TTC39A: variants seen among roughly 807,000 people sequenced by gnomAD.
The protein encoded by TTC39A is tetratricopeptide repeat protein 39A.
A neutral mutation model predicts 82.3 loss-of-function variants in TTC39A; 46 were observed. The observed-to-expected ratio is 0.56, with a 90% CI of 0.44 to 0.71. The LOEUF (loss-of-function observed/expected upper bound fraction) is 0.71. Ranked by LOEUF, TTC39A falls within the 30% of genes least tolerant of loss-of-function variation. The probability of loss-of-function intolerance (pLI) is 0.00; values close to 1 mark genes in which losing one functional copy is unlikely to be tolerated. For synonymous variants in TTC39A, 254 were observed against 275.2 expected (o/e 0.92, Z 0.76); for missense variants, 543 against 712.9 (o/e 0.76, Z 2.71).
upstream of TTC39A, chr1:51,330,662 T>C (rs1263782430): frequency 4.1e-6 from 4 of 979,098 alleles, no homozygotes; most frequent in Non-Finnish European, 4.9e-6. The surrounding 1 kb of genome is among the most constrained non-coding windows in gnomAD (Gnocchi z 4.5). Flanking sequence ...CGTAGGGCCA[T>C]GGCCGCCCGC....
chr1:51,311,241 T>TG lies in TTC39A; in HGVS notation c.423+12dup. On this transcript the variant is annotated intron_variant, in intron 5 of 17. Transcript: ENST00000680483. Reference sequence around the variant, plus strand: ...TGAAATCCCAGCCTCTTTGTACAAGTGGGGGTCCCTACCTGCAGGAAGGTC... The same window carrying TG: ...TGAAATCCCAGCCTCTTTGTACAAGTGGGGGGTCCCTACCTGCAGGAAGGTC... 2 of 1,571,356 alleles carry TG rather than the reference T, an allele frequency of 1.3e-6. No homozygotes were observed. The highest frequency in any genetic ancestry group is 1.7e-6 in the Non-Finnish European group (2 of 1,158,028).
rs1415844887 is a variant in TTC39A at position 51,343,131 on chromosome 1, A to G, written c.53+1860T>C. The G allele has an allele frequency of 2.0e-5, 9 of 453,886 alleles. No homozygotes were observed. In the East Asian group the frequency reaches 6.3e-4, roughly 32 times the overall value. 28.1% of individuals were successfully genotyped at this position (453,886 alleles called of 1,614,324 possible). ...AGTGATCTCGTGCTCCTCAGAAATC[A>G]TCCCATGTCCTCATCAAAACTGAAA... On this transcript the variant is annotated intron_variant, in intron 1 of 5. Coordinates refer to the TTC39A transcript ENST00000401051.
intron 12 of TTC39A, among the ~76,000 whole-genome samples, chr1:51,296,466 G>A (rs1438654249): frequency 6.6e-6 from 1 of 152,240 alleles, no homozygotes; most frequent in Non-Finnish European, 1.5e-5. Context: ...GGGCGCACTC[G>A]GGGCTTCCGG....
chr1:51,320,749 A>G (rs1490923243), intron 2 of TTC39A, among the ~76,000 whole-genome samples: 1 of 151,814 alleles, frequency 6.6e-6, no homozygotes, highest in Non-Finnish European at 1.5e-5. Flanking sequence ...CACCACGCCT[A>G]GTTAAACACT....
At chr1:51,290,463 C>A in intron 15 of TTC39A, 51 bp downstream of exon 15, 1 of 1,520,758 alleles carries the variant, frequency 6.6e-7, no homozygotes, top group Non-Finnish European at 9.0e-7. Context: ...GAAGCTTCAG[C>A]TGTAAAGACC....
Position 51,321,826 on chromosome 1 carries a change from C to A in TTC39A, c.42-1G>T. The A allele has an allele frequency of 6.2e-7, 1 of 1,612,698 alleles. No homozygotes were observed. The highest frequency in any genetic ancestry group is 8.5e-7 in the Non-Finnish European group (1 of 1,179,362). ...CTCATGGAGGCTGCTCTCAGGAGTC[C>A]TGGGGGAAGAGATGCGGGGCATGAC... is the stretch of plus-strand genomic sequence containing the variant. On this transcript the variant is annotated splice_acceptor_variant, in intron 1 of 17. Coordinates refer to ENST00000680483, the MANE Select transcript of TTC39A (RefSeq NM_001297663.2). LOFTEE classifies it high-confidence loss of function. This position sits in a 1 kb window ranked among gnomAD's most constrained non-coding sequence, Gnocchi z 4.6.
Position 51,288,899 on chromosome 1 carries a change from G to A in TTC39A, c.1550C>T (p.Ala517Val). 1 of 1,612,360 alleles carries A rather than the reference G, an allele frequency of 6.2e-7. No individual in the cohort carries two copies. Among genetic ancestry groups the A allele is most frequent in the South Asian group, 1.1e-5 (1 of 90,486 alleles). Reference protein sequence around the residue: ...YLIPNALLELALLLMEQDRNE... With the variant: ...YLIPNALLELVLLLMEQDRNE... Reference sequence around the variant, plus strand: ...TCTGTCTTGCTCCATAAGCAGCAGGGCCAGCTCCAGCAGGGCGTTTGGGAT... The same window carrying A: ...TCTGTCTTGCTCCATAAGCAGCAGGACCAGCTCCAGCAGGGCGTTTGGGAT... The change falls in exon 17 of 18, where the codon GCC becomes GTC. Residue 517 changes from alanine (A) to valine (V), a missense_variant. Ala to Val is a moderately conservative substitution (Grantham distance 64). Coordinates refer to ENST00000680483, the MANE Select transcript of TTC39A (RefSeq NM_001297663.2). The surrounding 1 kb of genome is among the most constrained non-coding windows in gnomAD (Gnocchi z 4.8).
chr1:51,339,751 C>A (rs932719152), intron 1 of TTC39A, among the ~76,000 whole-genome samples: 3 of 152,132 alleles, frequency 2.0e-5, no homozygotes, highest in East Asian at 1.9e-4. Context: ...TGGTGAAACC[C>A]CATCTCTACC....
chr1:51,324,578 G>C (rs536660856), intron 1 of TTC39A, among the ~76,000 whole-genome samples: 1 of 152,186 alleles, frequency 6.6e-6, no homozygotes, highest in African/African-American at 2.4e-5. Flanking sequence ...CTGGAGACCA[G>C]TAGTGCGATC....
At chr1:51,337,253 G>C (rs1235505205) in intron 1 of TTC39A, among the ~76,000 whole-genome samples, 1 of 151,848 alleles carries the variant, frequency 6.6e-6, no homozygotes, top group Non-Finnish European at 1.5e-5. Flanking sequence ...AGCCACACCA[G>C]CCTCCTTGCT....
In TTC39A at chr1:51,308,771, G is replaced by A. The variant is rs543182119; in HGVS notation, c.488+490C>T. On this transcript the variant is annotated intron_variant, in intron 6 of 17. Coordinates refer to ENST00000680483, the MANE Select transcript of TTC39A (RefSeq NM_001297663.2). ...AATGATTTTGGCCTGCAGAGAGCACGTGCATGCACGTGTGTGTGTATGTGT... is the reference window on the plus strand; with the variant it reads ...AATGATTTTGGCCTGCAGAGAGCACATGCATGCACGTGTGTGTGTATGTGT... 3.3e-5 allele frequency among the ~76,000 whole-genome samples: 5 copies of A among 152,196 alleles called. No homozygotes were observed. In the East Asian group the frequency reaches 5.8e-4, roughly 18 times the overall value.
At chr1:51,313,513 G>A (rs986418589) in intron 2 of TTC39A, among the ~76,000 whole-genome samples, 5 of 152,142 alleles carry the variant, frequency 3.3e-5, no homozygotes, top group South Asian at 2.1e-4. Context: ...GATCCTGCCG[G>A]GGCTAAAGCT....
intron 8 of TTC39A, 65 bp from the exon 9 acceptor site, chr1:51,303,257 G>T: frequency 2.2e-6 from 3 of 1,391,988 alleles, no homozygotes; most frequent in Non-Finnish European, 3.0e-6. Flanking sequence ...CAGCTGGACA[G>T]CTGTGTGGGC....
chr1:51,306,855 C>T (rs372857215), intron 6 of TTC39A, among the ~76,000 whole-genome samples: 1 of 6,576 alleles, frequency 1.5e-4, no homozygotes, highest in Non-Finnish European at 6.0e-4. Context: ...AGGGACAGAC[C>T]CCCCCCCCCC....
At chr1:51,320,412 T>C (rs1286803355) in intron 2 of TTC39A, among the ~76,000 whole-genome samples, 1 of 120,822 alleles carries the variant, frequency 8.3e-6, no homozygotes, top group African/African-American at 3.5e-5. Context: ...TTCTTTTTCT[T>C]TTTCTTTTTT....
Position 51,303,068 on chromosome 1 carries a change from C to T in TTC39A, c.763+16G>A, listed in dbSNP as rs778731397. On this transcript the variant is annotated intron_variant, in intron 9 of 17. Coordinates refer to ENST00000680483, the MANE Select transcript of TTC39A (RefSeq NM_001297663.2). ...ACGACCAAACCCCAGGGCCCCAGGT[C>T]CCCCTGTACACCTACCGAGCACGAA... 3.5e-5 allele frequency: 55 copies of T among 1,571,846 alleles called. No individual in the cohort carries two copies. The highest frequency in any genetic ancestry group is 4.1e-5 in the Non-Finnish European group (47 of 1,158,780).
At chr1:51,340,529 C>G (rs2148322826) in intron 1 of TTC39A, among the ~76,000 whole-genome samples, 1 of 152,326 alleles carries the variant, frequency 6.6e-6, no homozygotes, top group African/African-American at 2.4e-5. Context: ...TCACCGCCCC[C>G]TTTCTCCTCC....
intron 5 of TTC39A, 54 bp downstream of exon 5, chr1:51,311,200 G>T: frequency 3.3e-6 from 5 of 1,517,906 alleles, no homozygotes; most frequent in Non-Finnish European, 3.6e-6. Flanking sequence ...ATGGTTGGAC[G>T]TGGAAACTGA....
Position 51,290,019 on chromosome 1 carries a change from C to A in TTC39A, c.1479G>T (p.Arg493Ser), listed in dbSNP as rs371947082. The change falls in exon 16 of 18, where the codon AGG becomes AGT. Residue 493 changes from arginine to serine, a missense_variant. Physicochemically the swap from Arg to Ser is moderately radical, Grantham distance 110 (BLOSUM62 -1). Transcript: ENST00000680483. ...GAGGCACTTACTTGGCAGAGATGCT[C>A]CTAAAATTCTCCTCGGCCTCCTGGA... ...GRVQEAEENF[R>S]SISANEKKIK... 1.6e-4 allele frequency: 262 copies of A among 1,613,518 alleles called. 1 individual carries two copies. The highest frequency in any genetic ancestry group is 6.2e-4 in the South Asian group (56 of 90,994).
Sources: allele counts gnomAD v4.1 joint callset (sites outside exome capture counted in the v4.1 genomes callset), GRCh38; gene constraint gnomAD v4.1.1; non-coding constraint Gnocchi (gnomAD v3.1); transcripts MANE v1.5; gene names NCBI Gene and HGNC (gene_info 2026-07-23, HGNC 2026-07-21).